Variants in ASAH2 observed in about 807,000 individuals in gnomAD.
The protein encoded by ASAH2 is neutral ceramidase.
A neutral mutation model predicts 82.9 loss-of-function variants in ASAH2; 58 were observed. That is an observed-to-expected ratio of 0.70 (90% confidence interval 0.57 to 0.87). The LOEUF is 0.87. ASAH2 is among the 40% of genes least tolerant of loss of function. The probability of loss-of-function intolerance (pLI) is 0.00; values close to 1 mark genes in which losing one functional copy is unlikely to be tolerated. For synonymous variants in ASAH2, 276 were observed against 289.7 expected (o/e 0.95, Z 0.48); for missense variants, 779 against 834.0 (o/e 0.93, Z 0.81).
Position 50,240,026 on chromosome 10 carries a change from C to T in ASAH2, c.510+3176G>A, listed in dbSNP as rs913061586. On this transcript the variant is annotated intron_variant, in intron 4 of 20. Transcript: ENST00000682911. ...TATTTTTAGTAGAGACAGGGTTTCA[C>T]CATGTTTGCCAGGTTGGTCTCGAAC... Among the ~76,000 whole-genome samples, 35 of 152,080 alleles carry T rather than the reference C, an allele frequency of 2.3e-4. No individual in the cohort carries two copies. The East Asian group carries it at 5.6e-3, about 24-fold the overall frequency.
chr10:50,244,697 T>C (rs1468040765), intron 3 of ASAH2, among the ~76,000 whole-genome samples: 3 of 152,240 alleles, frequency 2.0e-5, no homozygotes, highest in Non-Finnish European at 4.4e-5. Context: ...GTTGCCTTTA[T>C]TTTTTAAGTA....
At chr10:50,248,311 A>G (rs961173989) in intron 2 of ASAH2, among the ~76,000 whole-genome samples, 173 bp downstream of exon 2, 1 of 152,244 alleles carries the variant, frequency 6.6e-6, no homozygotes, top group Non-Finnish European at 1.5e-5. Flanking sequence ...AACTTGATAA[A>G]AATTGCTATC....
At chr10:50,242,797 C>T (rs753643911) in intron 4 of ASAH2, among the ~76,000 whole-genome samples, 2 of 152,180 alleles carry the variant, frequency 1.3e-5, no homozygotes, top group African/African-American at 4.8e-5. Flanking sequence ...CGTTTTAATT[C>T]GCATCCGATT....
In ASAH2 at chr10:50,206,118, A is replaced by C. The variant is rs1845288879; in HGVS notation, c.1415-21T>G. 3 of 1,534,206 alleles carry C rather than the reference A, an allele frequency of 2.0e-6. No individual in the cohort carries two copies. The Admixed American group carries it at 5.0e-5, about 26-fold the overall frequency. ...TTTCCCTATTAGAAATGTTATAATTAGTATACTTCCTTGAACCAACCCTCT... is the reference window on the plus strand; with the variant it reads ...TTTCCCTATTAGAAATGTTATAATTCGTATACTTCCTTGAACCAACCCTCT... On this transcript the variant is annotated intron_variant, in intron 12 of 20. Coordinates refer to ENST00000682911, the MANE Select transcript of ASAH2 (RefSeq NM_019893.4).
intron 2 of ASAH2, among the ~76,000 whole-genome samples, chr10:50,245,997 AC>A (rs1164053039): frequency 2.0e-5 from 3 of 152,112 alleles, no homozygotes; most frequent in Non-Finnish European, 4.4e-5. Flanking sequence ...TTTTAATGCA[AC>A]CTAGATCACT....
At chr10:50,245,576 TA>T in intron 2 of ASAH2, 122 bp from the exon 3 acceptor site, 1 of 849,266 alleles carries the variant, frequency 1.2e-6, no homozygotes, top group Non-Finnish European at 1.8e-6. Context: ...TTCTTATACA[TA>T]AAAATATATA....
chr10:50,200,041 C>T lies in ASAH2; in HGVS notation c.1762-895G>A, dbSNP rs1288278781. On this transcript the variant is annotated intron_variant, in intron 16 of 20. Transcript: ENST00000682911. ...CATCATCCAGGTAATAAGCACAGTA[C>T]CTGATAAGTAGTTTTTTGATCCTCT... 2.1e-3 allele frequency among the ~76,000 whole-genome samples: 324 copies of T among 151,342 alleles called. 1 individual carries two copies. Among genetic ancestry groups the T allele is most frequent in the Admixed American group, 3.5e-3 (53 of 15,156 alleles).
At chr10:50,221,265 T>C (rs1845737510) in intron 7 of ASAH2, among the ~76,000 whole-genome samples, 1 of 152,290 alleles carries the variant, frequency 6.6e-6, no homozygotes, top group South Asian at 2.1e-4. Context: ...TCCAGTTACA[T>C]GGATTTTGCT....
intron 2 of ASAH2, among the ~76,000 whole-genome samples, chr10:50,246,917 G>A (rs1309583383): frequency 2.0e-5 from 3 of 152,152 alleles, no homozygotes; most frequent in Non-Finnish European, 2.9e-5. Flanking sequence ...CAGGGTCTCC[G>A]TTTCCCCAAG....
chr10:50,244,980 C>A (rs1017685187), intron 3 of ASAH2, among the ~76,000 whole-genome samples: 4 of 150,558 alleles, frequency 2.7e-5, no homozygotes, highest in Admixed American at 2.6e-4. Context: ...TTGAGTTTGC[C>A]ATCTCTGCCA....
chr10:50,218,687 G>T (rs1845672618), intron 7 of ASAH2, 57 bp from the exon 8 acceptor site: 2 of 1,605,282 alleles, frequency 1.2e-6, no homozygotes, highest in African/African-American at 1.3e-5. Context: ...CTGGGGCCAA[G>T]AACTATGACT....
Position 50,216,857 on chromosome 10 carries a change from TC to T in ASAH2, c.1014+1652del, listed in dbSNP as rs1459823785. On this transcript the variant is annotated intron_variant, in intron 8 of 20. Coordinates refer to ENST00000682911, the MANE Select transcript of ASAH2 (RefSeq NM_019893.4). ...ATAGTGCCTAGCACTCAGGCAGTGA[TC>T]ATAAATAGAAAACTCTCTTCTTTTC... Among the ~76,000 whole-genome samples, 4 of 152,322 alleles carry T rather than the reference TC, an allele frequency of 2.6e-5. No homozygotes were observed. In the East Asian group the frequency reaches 7.7e-4, roughly 29 times the overall value.
At chr10:50,249,079 G>T (rs1325635215) in intron 1 of ASAH2, among the ~76,000 whole-genome samples, 1 of 152,158 alleles carries the variant, frequency 6.6e-6, no homozygotes, top group Non-Finnish European at 1.5e-5. Flanking sequence ...AGGCTGGCTG[G>T]GGTTAGGACA....
At chr10:50,211,398 C>T (rs1845450403) in intron 10 of ASAH2, among the ~76,000 whole-genome samples, 1 of 152,114 alleles carries the variant, frequency 6.6e-6, no homozygotes. Flanking sequence ...CAGGCTGTGG[C>T]ACAAAAGGCC....
intron 4 of ASAH2, among the ~76,000 whole-genome samples, chr10:50,238,845 G>A (rs1179551375): frequency 1.3e-5 from 2 of 151,998 alleles, no homozygotes; most frequent in South Asian, 2.1e-4. Flanking sequence ...GACTACAAAC[G>A]GTACACAGGA....
rs995200191 is a variant in ASAH2, at chr10:50,209,914, T to A, written c.1414+909A>T. Among the ~76,000 whole-genome samples, 2 of 151,990 alleles carry A rather than the reference T, an allele frequency of 1.3e-5. 1 individual carries two copies. Among genetic ancestry groups the A allele is most frequent in the Non-Finnish European group, 2.9e-5 (2 of 68,002 alleles). On this transcript the variant is annotated intron_variant, in intron 12 of 20. Transcript: ENST00000682911. Reference sequence around the variant, plus strand: ...AAGTATTGGCAAATACATTAAAAAATCAGAAAACTATACACTGCCTGTGGA... The same window carrying A: ...AAGTATTGGCAAATACATTAAAAAAACAGAAAACTATACACTGCCTGTGGA...
intron 20 of ASAH2, among the ~76,000 whole-genome samples, chr10:50,189,086 C>T (rs1052592932): frequency 3.4e-5 from 5 of 146,352 alleles, no homozygotes; most frequent in Admixed American, 1.3e-4. Flanking sequence ...CATATACAAA[C>T]ATGCAATACA....
intron 7 of ASAH2, among the ~76,000 whole-genome samples, chr10:50,226,134 A>G (rs2133218972): frequency 6.6e-6 from 1 of 152,308 alleles, no homozygotes; most frequent in African/African-American, 2.4e-5. Flanking sequence ...TATGATGGAA[A>G]ACACTGTAAA....
intron 16 of ASAH2, among the ~76,000 whole-genome samples, chr10:50,200,556 C>T (rs1472529869): frequency 6.6e-6 from 1 of 152,062 alleles, no homozygotes; most frequent in South Asian, 2.1e-4. Context: ...CTCAAATACC[C>T]AGTCTGGGCT....
Sources: allele counts gnomAD v4.1 joint callset (sites outside exome capture counted in the v4.1 genomes callset), GRCh38; gene constraint gnomAD v4.1.1; transcripts MANE v1.5; gene names NCBI Gene and HGNC (gene_info 2026-07-23, HGNC 2026-07-21).